Variants in FBLN2 observed in about 807,000 individuals in gnomAD.
FBLN2 encodes the protein fibulin-2.
FBLN2 carries 81 observed loss-of-function variants against 123.7 expected under a neutral mutation model. The ratio of observed to expected loss-of-function variants is 0.65; its 90% CI spans 0.55 to 0.79. The LOEUF (loss-of-function observed/expected upper bound fraction) is 0.79. FBLN2 is among the 30% of genes least tolerant of loss of function. FBLN2 has a pLI of 0.00. For synonymous variants in FBLN2, 699 were observed against 701.4 expected (o/e 1.00, Z 0.05); for missense variants, 1,603 against 1,681.3 (o/e 0.95, Z 0.81).
chr3:13,606,149 C>G (rs1416996684), intron 2 of FBLN2, among the ~76,000 whole-genome samples: 2 of 152,216 alleles, frequency 1.3e-5, no homozygotes, highest in East Asian at 3.9e-4. Context: ...ATGAACCCAC[C>G]TTAGCCTCCC....
chr3:13,614,901 T>TATCCATCC lies in FBLN2; in HGVS notation c.1729+771_1729+778dup, dbSNP rs113294664. Among the ~76,000 whole-genome samples the TATCCATCC allele has an allele frequency of 1.1e-3, 153 of 139,700 alleles. 1 individual carries two copies. The highest frequency in any genetic ancestry group is 6.0e-3 in the East Asian group (27 of 4,520). 91.6% of individuals were successfully genotyped at this position (139,700 alleles called of 152,430 possible). ...CCATCTGTCTGATCATCTATTCATC[T>TATCCATCC]ATCCATCCATCCATCCATCCATCCA... On this transcript the variant is annotated intron_variant, in intron 5 of 17. Coordinates refer to ENST00000404922, the MANE Select transcript of FBLN2 (RefSeq NM_001004019.2).
intron 1 of FBLN2, among the ~76,000 whole-genome samples, 189 bp downstream of exon 1, chr3:13,549,397 G>T (rs2125027416): frequency 6.6e-6 from 1 of 151,538 alleles, no homozygotes; most frequent in East Asian, 2.0e-4. Flanking sequence ...GCGCGGGGAC[G>T]GCCCGCGAGC....
At chr3:13,630,899 C>A in intron 15 of FBLN2, 84 bp downstream of exon 15, 1 of 1,025,968 alleles carries the variant, frequency 9.7e-7, no homozygotes, top group Non-Finnish European at 1.5e-6. Flanking sequence ...CCTGCTGGGC[C>A]ATGGACACAG....
chr3:13,599,623 G>A lies in FBLN2; in HGVS notation c.1307-8439G>A, dbSNP rs556699576. ...GAAGTGGAAGCAAGGAGGGCAGGAG[G>A]GGGTGGTGGAGGAGGAGGTGGCTGG... On this transcript the variant is annotated intron_variant, in intron 2 of 17. Coordinates refer to ENST00000404922, the MANE Select transcript of FBLN2 (RefSeq NM_001004019.2). Among the ~76,000 whole-genome samples the A allele has an allele frequency of 2.0e-5, 3 of 152,212 alleles. No homozygotes were observed. The South Asian group carries it at 6.2e-4, about 32-fold the overall frequency.
chr3:13,618,414 GC>G, intron 6 of FBLN2, 129 bp downstream of exon 6: 4 of 806,328 alleles, frequency 5.0e-6, no homozygotes, highest in Non-Finnish European at 7.7e-6. Context: ...ACCCACAGAA[GC>G]CTGAAGCTTC....
chr3:13,605,830 C>T (rs1705185291), intron 2 of FBLN2, among the ~76,000 whole-genome samples: 1 of 152,202 alleles, frequency 6.6e-6, no homozygotes, highest in African/African-American at 2.4e-5. Context: ...GGACATGCAG[C>T]AGTGTAGAGG....
intron 2 of FBLN2, among the ~76,000 whole-genome samples, chr3:13,585,722 C>T (rs943094137): frequency 3.9e-5 from 6 of 152,078 alleles, no homozygotes; most frequent in African/African-American, 9.7e-5. Flanking sequence ...ACCCAGGAGG[C>T]GGAGGTTGCA....
intron 2 of FBLN2, among the ~76,000 whole-genome samples, chr3:13,603,154 G>T (rs575729641): frequency 6.6e-6 from 1 of 151,298 alleles, no homozygotes; most frequent in African/African-American, 2.4e-5. Flanking sequence ...CTCGTGATCC[G>T]CATTCCTCAG....
intron 5 of FBLN2, 80 bp from the exon 6 acceptor site, chr3:13,617,996 A>T: frequency 7.8e-7 from 1 of 1,274,456 alleles, no homozygotes; most frequent in Non-Finnish European, 1.1e-6. Flanking sequence ...GAGGACCTGC[A>T]CTAGTTTCCC....
chr3:13,622,011 C>T lies in FBLN2; in HGVS notation c.2296+96C>T, dbSNP rs979863483. 3.5e-6 allele frequency: 5 copies of T among 1,409,026 alleles called. No individual in the cohort carries two copies. The Admixed American group carries it at 1.0e-4, about 29-fold the overall frequency. The allele number at this position is 1,409,026 out of a possible 1,614,324, so 87.3% of individuals were successfully genotyped here. A position where few individuals can be genotyped will look rare whatever the true frequency, so the allele number is the denominator to read the frequency against. Reference sequence around the variant, plus strand: ...TGTGGCCACATGCCAAAGGGCCTGCCCTTTGCATGTGAGCTCTCAGCACAG... The same window carrying T: ...TGTGGCCACATGCCAAAGGGCCTGCTCTTTGCATGTGAGCTCTCAGCACAG... On this transcript the variant is annotated intron_variant, in intron 9 of 17. Coordinates refer to ENST00000404922, the MANE Select transcript of FBLN2 (RefSeq NM_001004019.2).
intron 2 of FBLN2, among the ~76,000 whole-genome samples, chr3:13,581,911 T>C (rs1023285031): frequency 1.3e-5 from 2 of 152,118 alleles, no homozygotes; most frequent in East Asian, 1.9e-4. Context: ...AAGGCATCTC[T>C]GTGTTTTCTG....
intron 4 of FBLN2, 37 bp downstream of exon 4, chr3:13,609,679 T>TGGGGGGGGGGGGGGGG: frequency 1.5e-4 from 12 of 80,250 alleles, no homozygotes; most frequent in African/African-American, 2.7e-4. Flanking sequence ...CAGGGTGGGG[T>TGGGGGGGGGGGGGGGG]GGGGCGGGGC....
In FBLN2 at chr3:13,626,614, C is replaced by T. The variant is rs761314933; in HGVS notation, c.2431+35C>T. Reference sequence around the variant, plus strand: ...GCCCAGAAGGACCAACTGGAGGCCCCGCCCCATGGCCAGTTTTGCCCCGCC... The same window carrying T: ...GCCCAGAAGGACCAACTGGAGGCCCTGCCCCATGGCCAGTTTTGCCCCGCC... On this transcript the variant is annotated intron_variant, in intron 10 of 17. Transcript: ENST00000404922. 369 of 1,511,028 alleles carry T rather than the reference C, an allele frequency of 2.4e-4. 1 individual carries two copies. Among genetic ancestry groups the T allele is most frequent in the Middle Eastern group, 8.7e-4 (4 of 4,584 alleles). 93.6% of individuals were successfully genotyped at this position (1,511,028 alleles called of 1,614,324 possible).
intron 8 of FBLN2, 65 bp downstream of exon 8, chr3:13,619,896 G>A: frequency 7.6e-7 from 1 of 1,317,510 alleles, no homozygotes; most frequent in Non-Finnish European, 1.1e-6. Flanking sequence ...GGGGCCTCCA[G>A]GTGGGGGTGG....
At chr3:13,558,791 A>G (rs1395665379) in intron 1 of FBLN2, among the ~76,000 whole-genome samples, 1 of 4,834 alleles carries the variant, frequency 2.1e-4, no homozygotes, top group Admixed American at 2.3e-3. Flanking sequence ...CCATCCACCC[A>G]CCCACCCACC....
intron 2 of FBLN2, among the ~76,000 whole-genome samples, chr3:13,606,852 C>T (rs6772395): frequency 0.41 from 62,449 of 151,742 alleles, 12,919 homozygotes; most frequent in Non-Finnish European, 0.43. Context: ...GGAGTTTCTC[C>T]ATGTTGGTCA....
chr3:13,555,509 C>T (rs978544084), intron 1 of FBLN2, among the ~76,000 whole-genome samples: 13 of 152,020 alleles, frequency 8.6e-5, no homozygotes, highest in African/African-American at 3.1e-4. Context: ...GGCTGAAGTG[C>T]AGTGGCGCCA....
chr3:13,615,289 G>T (rs1421659113), intron 5 of FBLN2, among the ~76,000 whole-genome samples: 1 of 152,244 alleles, frequency 6.6e-6, no homozygotes, highest in Non-Finnish European at 1.5e-5. Flanking sequence ...CTTTGTTGGT[G>T]TCCACATGTT....
rs749532669 is a variant in FBLN2 at position 13,629,066 on chromosome 3, CG to C, written c.2713+19del. On this transcript the variant is annotated intron_variant, in intron 12 of 17. Transcript: ENST00000404922. ...GTGTGTGGGTAAGGCCAGCCGCCTC[CG>C]CCCTGCCAGCCAGCCCGGCCTGCCC... The C allele has an allele frequency of 1.9e-6, 3 of 1,612,730 alleles. No individual in the cohort carries two copies. The highest frequency in any genetic ancestry group is 2.2e-5 in the South Asian group (2 of 91,046).
Sources: allele counts gnomAD v4.1 joint callset (sites outside exome capture counted in the v4.1 genomes callset), GRCh38; gene constraint gnomAD v4.1.1; transcripts MANE v1.5; gene names NCBI Gene and HGNC (gene_info 2026-07-23, HGNC 2026-07-21).